CALN1: variants seen among roughly 807,000 people sequenced by gnomAD.
CALN1 encodes the protein calcium-binding protein 8.
Under a neutral mutation model 30.6 loss-of-function variants are expected in CALN1, and 17 were observed. The observed-to-expected ratio is 0.56, with a 90% CI of 0.38 to 0.83. The LOEUF (loss-of-function observed/expected upper bound fraction) is 0.83, where lower values mean the gene tolerates loss of function less well. Ranked by LOEUF, CALN1 falls within the 40% of genes least tolerant of loss-of-function variation. The probability of loss-of-function intolerance (pLI) is 0.00; values close to 1 mark genes in which losing one functional copy is unlikely to be tolerated. For synonymous variants in CALN1, 156 were observed against 131.4 expected (o/e 1.19, Z -1.28); for missense variants, 291 against 354.9 (o/e 0.82, Z 1.45).
At chr7:72,126,196 C>A (rs1808753458) in intron 3 of CALN1, among the ~76,000 whole-genome samples, 1 of 152,106 alleles carries the variant, frequency 6.6e-6, no homozygotes, top group Admixed American at 6.5e-5. Flanking sequence ...AGTTGCTTCA[C>A]TTAGAATAAT....
intron 3 of CALN1, among the ~76,000 whole-genome samples, chr7:72,230,249 A>G (rs1793993583): frequency 6.6e-6 from 1 of 152,016 alleles, no homozygotes; most frequent in Non-Finnish European, 1.5e-5. Context: ...CGTTCTGCAC[A>G]TGTATCCCAG....
intron 1 of CALN1, among the ~76,000 whole-genome samples, chr7:72,408,673 TCC>T (rs1445099737): frequency 5.5e-5 from 5 of 90,880 alleles, no homozygotes; most frequent in Non-Finnish European, 8.5e-5. Flanking sequence ...TATTATCTTT[TCC>T]TTTTTTTTTT....
chr7:71,904,545 G>C (rs908897850), intron 5 of CALN1, among the ~76,000 whole-genome samples: 3 of 152,134 alleles, frequency 2.0e-5, no homozygotes, highest in African/African-American at 7.2e-5. Flanking sequence ...ACTGGGGTGG[G>C]TAGTGGGGAG....
intron 3 of CALN1, among the ~76,000 whole-genome samples, chr7:72,242,109 T>C (rs960896170): frequency 2.0e-5 from 3 of 152,208 alleles, no homozygotes; most frequent in Non-Finnish European, 2.9e-5. Context: ...AGGGACCTCA[T>C]AGAAATGGAA....
At chr7:72,308,110 T>A (rs1799771812) in intron 2 of CALN1, among the ~76,000 whole-genome samples, 1 of 152,056 alleles carries the variant, frequency 6.6e-6, no homozygotes, top group South Asian at 2.1e-4. Flanking sequence ...ACACCTGTAA[T>A]CCCAGGACTT....
chr7:72,334,724 AT>A (rs1255491142), intron 2 of CALN1, among the ~76,000 whole-genome samples: 1 of 152,234 alleles, frequency 6.6e-6, no homozygotes, highest in East Asian at 1.9e-4. Context: ...TTCTAAGAGG[AT>A]TTAGCTCTCC....
intron 2 of CALN1, among the ~76,000 whole-genome samples, chr7:72,375,637 C>G (rs575188922): frequency 6.6e-6 from 1 of 151,160 alleles, no homozygotes; most frequent in Non-Finnish European, 1.5e-5. Context: ...AAATTAGGCA[C>G]ATATAAAAAT....
chr7:72,162,221 A>T (rs905914453), intron 3 of CALN1, among the ~76,000 whole-genome samples: 2 of 152,058 alleles, frequency 1.3e-5, no homozygotes, highest in African/African-American at 2.4e-5. Context: ...TTGAGTCTTA[A>T]GAGCCAATTT....
intron 4 of CALN1, among the ~76,000 whole-genome samples, chr7:72,063,358 A>G (rs1041237322): frequency 2.0e-5 from 3 of 152,250 alleles, no homozygotes; most frequent in African/African-American, 7.2e-5. Context: ...AAATGGTATG[A>G]CATGCAATGC....
intron 4 of CALN1, among the ~76,000 whole-genome samples, chr7:72,080,745 C>G (rs1014114208): frequency 1.3e-5 from 2 of 152,244 alleles, no homozygotes; most frequent in South Asian, 2.1e-4. Flanking sequence ...TCTGATAGGT[C>G]AGAGAACTGG....
intron 3 of CALN1, among the ~76,000 whole-genome samples, chr7:72,252,621 A>AG: frequency 7.0e-6 from 1 of 143,738 alleles, no homozygotes; most frequent in South Asian, 2.3e-4. Flanking sequence ...AAAAAAAAAA[A>AG]GAAAGACAGA....
intron 6 of CALN1, among the ~76,000 whole-genome samples, chr7:71,796,193 G>GT (rs1306426504): frequency 6.6e-6 from 1 of 151,828 alleles, no homozygotes; most frequent in Non-Finnish European, 1.5e-5. Context: ...TTATCCATTC[G>GT]TAAGCTATAA....
chr7:72,390,253 A>C (rs541754896), intron 2 of CALN1, among the ~76,000 whole-genome samples: 2 of 152,042 alleles, frequency 1.3e-5, no homozygotes, highest in Non-Finnish European at 2.9e-5. Context: ...ACGTCGTGAA[A>C]CACCACCTCT....
the CALN1 span, among the ~76,000 whole-genome samples, chr7:72,495,530 C>T: frequency 6.6e-6 from 1 of 152,214 alleles, no homozygotes. Context: ...TTTGGCATCC[C>T]TTGCTCCATT....
At chr7:72,148,367 A>T (rs1348862979) in intron 3 of CALN1, among the ~76,000 whole-genome samples, 1 of 151,040 alleles carries the variant, frequency 6.6e-6, no homozygotes, top group African/African-American at 2.4e-5. Flanking sequence ...CAGGAATTCG[A>T]GGCCAGCCTA....
intron 5 of CALN1, among the ~76,000 whole-genome samples, chr7:71,977,684 C>T (rs1252323780): frequency 1.3e-5 from 2 of 152,040 alleles, no homozygotes; most frequent in East Asian, 3.9e-4. Flanking sequence ...GTAATCCCAG[C>T]ACTTTGAGAG....
At chr7:71,970,690 G>C (rs956034850) in intron 5 of CALN1, among the ~76,000 whole-genome samples, 2 of 151,462 alleles carry the variant, frequency 1.3e-5, no homozygotes, top group African/African-American at 2.4e-5. Flanking sequence ...CTTCGTCCCC[G>C]CGCTTTAACA....
chr7:71,934,742 C>T (rs1795741018), intron 5 of CALN1, among the ~76,000 whole-genome samples: 1 of 152,108 alleles, frequency 6.6e-6, no homozygotes. Flanking sequence ...TAAAGACATA[C>T]CCAAGGCTGG....
intron 5 of CALN1, among the ~76,000 whole-genome samples, chr7:71,883,997 T>A (rs921096724): frequency 1.4e-4 from 21 of 152,148 alleles, no homozygotes; most frequent in Non-Finnish European, 1.3e-4. Context: ...CACTGCAATC[T>A]CCGCCTCCCA....
Sources: gnomAD v4.1 joint callset for allele counts (sites outside exome capture counted in the v4.1 genomes callset) on GRCh38, gnomAD v4.1.1 for gene constraint, MANE v1.5 for transcripts, NCBI Gene and HGNC (gene_info 2026-07-23, HGNC 2026-07-21) for gene names.